GIGYF2: variants seen among roughly 807,000 people sequenced by gnomAD.
GIGYF2 encodes GRB10-interacting GYF protein 2.
In GIGYF2, 25 loss-of-function variants were observed where a neutral mutation model predicts 208.1. The observed-to-expected ratio is 0.12, with a 90% CI of 0.09 to 0.17. The LOEUF is 0.17. Among genes scored for constraint, GIGYF2 ranks in the 10% least tolerant of loss-of-function variants. The pLI is 1.00. For synonymous variants in GIGYF2, 534 were observed against 543.8 expected, an observed-to-expected ratio of 0.98 and a Z score of 0.25; for missense variants, 1,302 against 1,579.4, an observed-to-expected ratio of 0.82 and a Z score of 2.98.
rs1699511958 is a variant in GIGYF2 at position 232,776,359 on chromosome 2, A to T, written c.533-10791A>T. On this transcript the variant is annotated intron_variant, in intron 8 of 28. Transcript: ENST00000373563. Reference sequence around the variant, plus strand: ...TTTGTTTTAAAAATCTGTTGGAAGTAATCTAGCTCTGTTGCTATTTGCCAG... The same window carrying T: ...TTTGTTTTAAAAATCTGTTGGAAGTTATCTAGCTCTGTTGCTATTTGCCAG... The T allele has an allele frequency of 3.2e-6, 3 of 927,608 alleles. No homozygotes were observed. In the East Asian group the frequency reaches 7.6e-5, roughly 23 times the overall value. 57.5% of individuals were successfully genotyped at this position (927,608 alleles called of 1,614,324 possible).
At chr2:232,715,284 C>G (rs993893126) in intron 2 of GIGYF2, among the ~76,000 whole-genome samples, 1 of 152,188 alleles carries the variant, frequency 6.6e-6, no homozygotes, top group African/African-American at 2.4e-5. Flanking sequence ...GGATTGTCCT[C>G]AGTTTTGGGC....
chr2:232,817,070 T>TG, intron 20 of GIGYF2, 38 bp downstream of exon 20: 2 of 1,453,998 alleles, frequency 1.4e-6, no homozygotes, highest in Non-Finnish European at 1.9e-6. Context: ...GATTAGTGCT[T>TG]GATGAGGGCT....
chr2:232,850,393 A>G lies in GIGYF2; in HGVS notation c.3816A>G (p.Ala1272=), dbSNP rs992085028. 2 of 1,614,114 alleles carry G rather than the reference A, an allele frequency of 1.2e-6. No homozygotes were observed. Among genetic ancestry groups the G allele is most frequent in the East Asian group, 2.2e-5 (1 of 44,900 alleles). Residue 1272 remains alanine (A), a synonymous_variant, in exon 28 of 29, where the codon GCA becomes GCG. Coordinates refer to ENST00000373563, the MANE Select transcript of GIGYF2 (RefSeq NM_001103146.3). Reference sequence around the variant, plus strand: ...AGAAAAAGCAGAAGATGGTCCGAGCAGATCCCAGTTTATTAGGTGAGCACG... The same window carrying G: ...AGAAAAAGCAGAAGATGGTCCGAGCGGATCCCAGTTTATTAGGTGAGCACG... The part of the protein sequence containing the change: ...KKKKKQKMVR[A]DPSLLGFSVN...
chr2:232,741,807 A>G (rs1697976757), intron 3 of GIGYF2, among the ~76,000 whole-genome samples: 1 of 152,140 alleles, frequency 6.6e-6, no homozygotes. Context: ...CTTAAAATGT[A>G]AATTAGATCA....
At chr2:232,822,810 A>G (rs1052576311) in intron 21 of GIGYF2, among the ~76,000 whole-genome samples, 1 of 152,168 alleles carries the variant, frequency 6.6e-6, no homozygotes, top group East Asian at 1.9e-4. Flanking sequence ...AGTACCTCCA[A>G]TAGTATTTTT....
intron 28 of GIGYF2, among the ~76,000 whole-genome samples, chr2:232,854,267 C>A (rs1313335999): frequency 6.6e-6 from 1 of 152,168 alleles, no homozygotes; most frequent in Non-Finnish European, 1.5e-5. Context: ...CCAGCGTGGG[C>A]GGATTGCTTG....
At chr2:232,855,944 T>G (rs911350542) in intron 28 of GIGYF2, among the ~76,000 whole-genome samples, 11 of 152,008 alleles carry the variant, frequency 7.2e-5, no homozygotes, top group Non-Finnish European at 1.2e-4. Flanking sequence ...TTTTGTTTTT[T>G]TTTTGAGACA....
At chr2:232,761,851 T>G (rs1241690058) in intron 8 of GIGYF2, among the ~76,000 whole-genome samples, 1 of 151,324 alleles carries the variant, frequency 6.6e-6, no homozygotes, top group Admixed American at 6.6e-5. Context: ...ATAGTCCTTT[T>G]TTTTTTTTCT....
intron 27 of GIGYF2, among the ~76,000 whole-genome samples, chr2:232,849,078 A>G (rs1049910405): frequency 4.6e-5 from 7 of 152,258 alleles, no homozygotes; most frequent in African/African-American, 1.7e-4. Context: ...ACAGAGAAGT[A>G]CAAGGCATTT....
At chr2:232,795,929 A>G in intron 13 of GIGYF2, 133 bp from the exon 14 acceptor site, 2 of 703,984 alleles carry the variant, frequency 2.8e-6, no homozygotes, top group South Asian at 3.1e-5. Flanking sequence ...GGGAGAAGTT[A>G]CCTGCTATGT....
At chr2:232,700,063 T>A (rs758573040) in intron 1 of GIGYF2, among the ~76,000 whole-genome samples, 19 of 152,222 alleles carry the variant, frequency 1.2e-4, no homozygotes, top group Non-Finnish European at 2.5e-4. Flanking sequence ...TGAGGAATTT[T>A]AATATTTTGG....
At chr2:232,833,319 C>G (rs1384801713) in intron 22 of GIGYF2, among the ~76,000 whole-genome samples, 2 of 152,120 alleles carry the variant, frequency 1.3e-5, no homozygotes, top group Non-Finnish European at 2.9e-5. Context: ...TTGGGCAGCT[C>G]ATATGATCCT....
chr2:232,730,478 G>C (rs1697419321), intron 2 of GIGYF2, among the ~76,000 whole-genome samples: 1 of 151,514 alleles, frequency 6.6e-6, no homozygotes, highest in Non-Finnish European at 1.5e-5. Context: ...GGTGGTGCAT[G>C]CATGTAATCC....
At chr2:232,715,865 A>G (rs1354045327) in intron 2 of GIGYF2, among the ~76,000 whole-genome samples, 1 of 151,280 alleles carries the variant, frequency 6.6e-6, no homozygotes, top group Admixed American at 6.6e-5. Flanking sequence ...AACCAAGTTA[A>G]AGTTGAAATG....
intron 11 of GIGYF2, 37 bp from the exon 12 acceptor site, chr2:232,791,221 C>G: frequency 4.3e-6 from 7 of 1,613,862 alleles, no homozygotes; most frequent in Non-Finnish European, 5.9e-6. Flanking sequence ...CAAACCAAAA[C>G]TTTCGTAAGT....
At chr2:232,786,909 C>G (rs149314840) in intron 8 of GIGYF2, among the ~76,000 whole-genome samples, 3 of 151,924 alleles carry the variant, frequency 2.0e-5, no homozygotes, top group Non-Finnish European at 4.4e-5. Flanking sequence ...TTTCATTGTA[C>G]GCTTTTTCAA....
intron 3 of GIGYF2, among the ~76,000 whole-genome samples, chr2:232,740,613 C>A (rs1382910229): frequency 6.6e-6 from 1 of 152,176 alleles, no homozygotes; most frequent in African/African-American, 2.4e-5. Context: ...CACTGTATTT[C>A]TCTCTTTTGG....
chr2:232,747,369 G>A (rs1698184098), intron 3 of GIGYF2, among the ~76,000 whole-genome samples: 1 of 152,038 alleles, frequency 6.6e-6, no homozygotes. Flanking sequence ...AGCTTCTGGG[G>A]GACATAGCCG....
chr2:232,825,848 TCCCCCAGCCCCCCA>T (rs1701230727), intron 21 of GIGYF2, among the ~76,000 whole-genome samples: 1 of 140,664 alleles, frequency 7.1e-6, no homozygotes, highest in South Asian at 2.6e-4. Flanking sequence ...ATGCTATCCC[TCCCCCAGCCCCCCA>T]CCCCTCGACA....
Sources: gnomAD v4.1 joint callset for allele counts (sites outside exome capture counted in the v4.1 genomes callset) on GRCh38, gnomAD v4.1.1 for gene constraint, MANE v1.5 for transcripts, NCBI Gene and HGNC (gene_info 2026-07-23, HGNC 2026-07-21) for gene names.